TOPORS: variants seen among roughly 807,000 people sequenced by gnomAD.
TOPORS encodes TOP1 binding arginine/serine rich protein, E3 ubiquitin ligase.
Under a neutral mutation model 81.4 loss-of-function variants are expected in TOPORS, and 25 were observed. The observed-to-expected ratio is 0.31, with a 90% CI of 0.22 to 0.43. The LOEUF is 0.43. Among genes scored for constraint, TOPORS ranks in the 20% least tolerant of loss-of-function variants. TOPORS has a pLI of 1.00. For missense variants in TOPORS, 1,101 were observed against 1,267.0 expected (o/e 0.87, Z 1.99); for synonymous variants, 473 against 456.6 (o/e 1.04, Z -0.46).
In TOPORS at chr9:32,550,799, G is replaced by C. The variant is rs1190555726; in HGVS notation, c.173C>G (p.Ala58Gly). ...CTCGGAGGATGCCGGCGCAGGCCTG[G>C]CTGGGGCGCTCGCCGCGAGCTCCCG... ...GCRELAASAP[A>G]RPAPASSEIM... is the part of the protein sequence containing the mutation. The change falls in exon 2 of 3, where the codon GCC (alanine) becomes GGC (glycine). Residue 58 changes from alanine (A) to glycine (G), a missense_variant. Physicochemically the swap from Ala to Gly is moderately conservative, Grantham distance 60. Transcript: ENST00000360538. 7 of 1,612,674 alleles carry C rather than the reference G, an allele frequency of 4.3e-6. No individual in the cohort carries two copies. Among genetic ancestry groups the C allele is most frequent in the East Asian group, 2.2e-5 (1 of 44,870 alleles).
chr9:32,541,562 A>C lies in TOPORS; in HGVS notation c.2963T>G (p.Leu988Arg), dbSNP rs1488601114. ...ANKTVDNIPP[L>R]AASVEQTLDV... ...GAGAGTTTGTTCAACTGAAGCTGCCAGAGGTGGAATATTATCTACAGTTTT... is the reference window on the plus strand; with the variant it reads ...GAGAGTTTGTTCAACTGAAGCTGCCCGAGGTGGAATATTATCTACAGTTTT... The change falls in exon 3 of 3, where the codon CTG becomes CGG. Residue 988 changes from leucine to arginine, a missense_variant. By Grantham distance (102) the Leu-to-Arg change is moderately radical (BLOSUM62 -2). Around this residue, in one of 9 missense-constraint regions of TOPORS, gnomAD observed 605 missense variants for 636.1 expected, o/e 0.95. Coordinates refer to ENST00000360538, the MANE Select transcript of TOPORS (RefSeq NM_005802.5). 1 of 1,614,240 alleles carries C rather than the reference A, an allele frequency of 6.2e-7. No homozygotes were observed. The highest frequency in any genetic ancestry group is 8.5e-7 in the Non-Finnish European group (1 of 1,180,032).
intron 2 of TOPORS, among the ~76,000 whole-genome samples, chr9:32,547,165 GA>G (rs1821150943): frequency 6.6e-6 from 1 of 152,190 alleles, no homozygotes; most frequent in Non-Finnish European, 1.5e-5. Flanking sequence ...CCAGGAATTT[GA>G]AACAGCCTAG....
chr9:32,542,925 A>G lies in TOPORS; in HGVS notation c.1600T>C (p.Ser534Pro), dbSNP rs750775169. 2.5e-6 allele frequency: 4 copies of G among 1,614,012 alleles called. No homozygotes were observed. The Admixed American group carries it at 6.7e-5, about 27-fold the overall frequency. ...TCCTTTCCAAGGACAGAGTGTGGAG[A>G]TGAGCATCTACTAACATCGCTATCA... ...SGDSDVSRCS[S>P]PHSVLGKDEQ... The change falls in exon 3 of 3, where the codon TCT becomes CCT. Residue 534 changes from serine to proline, a missense_variant. By Grantham distance (74) the Ser-to-Pro change is moderately conservative. Around this residue, in one of 9 missense-constraint regions of TOPORS, gnomAD observed 605 missense variants for 636.1 expected, o/e 0.95. Transcript: ENST00000360538.
In TOPORS at chr9:32,542,927, G is replaced by C; in HGVS notation, c.1598C>G (p.Ser533Ter). The change falls in exon 3 of 3, where the codon TCA becomes TGA. Residue 533 changes from serine (S) to a stop codon, truncating the protein, a stop_gained. Transcript: ENST00000360538. LOFTEE classifies it high-confidence loss of function. ...SSGDSDVSRC[S>*]SPHSVLGKDE... ...CTTTCCAAGGACAGAGTGTGGAGATGAGCATCTACTAACATCGCTATCACC... is the reference window on the plus strand; with the variant it reads ...CTTTCCAAGGACAGAGTGTGGAGATCAGCATCTACTAACATCGCTATCACC... The C allele has an allele frequency of 6.2e-7, 1 of 1,614,116 alleles. No individual in the cohort carries two copies. The highest frequency in any genetic ancestry group is 8.5e-7 in the Non-Finnish European group (1 of 1,179,998).
chr9:32,551,019 A>T, intron 1 of TOPORS, 51 bp from the exon 2 acceptor site: 1 of 1,588,910 alleles, frequency 6.3e-7, no homozygotes, highest in East Asian at 2.2e-5. Flanking sequence ...CAGGGCAGAG[A>T]GCGAGACCCA....
At chr9:32,552,401 G>C in intron 1 of TOPORS, 33 bp downstream of exon 1, 1 of 1,605,904 alleles carries the variant, frequency 6.2e-7, no homozygotes, top group Non-Finnish European at 8.5e-7. Context: ...CGCAGCTCCC[G>C]CCAGCTCCCG....
Position 32,541,107 on chromosome 9 carries a change from T to A in TOPORS, c.*280A>T, listed in dbSNP as rs1821049525. 3.7e-6 allele frequency: 1 copy of A among 268,902 alleles called. No individual in the cohort carries two copies. The highest frequency in any genetic ancestry group is 5.7e-5 in the South Asian group (1 of 17,432). The allele number at this position is 268,902 out of a possible 1,614,324, so 16.7% of individuals were successfully genotyped here. On this transcript the variant is annotated 3_prime_UTR_variant, in exon 3 of 3. Transcript: ENST00000360538. The stretch of plus-strand genomic sequence containing the variant: ...TGGCTTTATGAAATAACTTCTAAAA[T>A]TTATATAATTTTTCTTATTTAAAAA...
rs1328043146 is a variant in TOPORS at position 32,551,216 on chromosome 9, A to G, written c.4-248T>C. On this transcript the variant is annotated intron_variant, in intron 1 of 2. Coordinates refer to ENST00000360538, the MANE Select transcript of TOPORS (RefSeq NM_005802.5). ...TGTTACTGGTACTCAGCCACTGGGG[A>G]CACTGACTGAATGTTCGCCCCTAAC... The G allele has an allele frequency of 1.2e-5, 7 of 598,692 alleles. No homozygotes were observed. In the Admixed American group the frequency reaches 1.5e-4, roughly 12 times the overall value. The allele number at this position is 598,692 out of a possible 1,614,324, so 37.1% of individuals were successfully genotyped here. A position where few individuals can be genotyped will look rare whatever the true frequency, so the allele number is the denominator to read the frequency against.
chr9:32,549,047 T>C (rs1401887365), intron 2 of TOPORS, among the ~76,000 whole-genome samples: 2 of 151,946 alleles, frequency 1.3e-5, no homozygotes, highest in Non-Finnish European at 2.9e-5. Context: ...TGGTGGCTCA[T>C]GCCTGTAATC....
chr9:32,551,162 G>T, intron 1 of TOPORS, 194 bp from the exon 2 acceptor site: 1 of 676,020 alleles, frequency 1.5e-6, no homozygotes, highest in South Asian at 1.7e-5. Flanking sequence ...TCCAGACCCC[G>T]GAGGAGGGCA....
At position 32,550,795 on chromosome 9, in the gene TOPORS, C is replaced by A; in HGVS notation, c.177G>T (p.Arg59Ser). 6.2e-7 allele frequency: 1 copy of A among 1,612,844 alleles called. No homozygotes were observed. Among genetic ancestry groups the A allele is most frequent in the Non-Finnish European group, 8.5e-7 (1 of 1,179,688 alleles). The change falls in exon 2 of 3, where the codon AGG becomes AGT. Residue 59 changes from arginine (R) to serine (S), a missense_variant. Arg to Ser is a moderately radical substitution (Grantham distance 110, BLOSUM62 -1). Around this residue, in one of 9 missense-constraint regions of TOPORS, gnomAD observed 131 missense variants for 101.0 expected, o/e 1.30. Coordinates refer to ENST00000360538, the MANE Select transcript of TOPORS (RefSeq NM_005802.5). ...CRELAASAPA[R>S]PAPASSEIMA... ...TCACCTCGGAGGATGCCGGCGCAGG[C>A]CTGGCTGGGGCGCTCGCCGCGAGCT...
rs761851969 is a variant in TOPORS at position 32,541,728 on chromosome 9, C to T, written c.2797G>A (p.Asp933Asn). Residue 933 changes from aspartate to asparagine, a missense_variant, in exon 3 of 3, where the codon GAC becomes AAC. Around this residue, in one of 9 missense-constraint regions of TOPORS, gnomAD observed 605 missense variants for 636.1 expected, o/e 0.95. Coordinates refer to ENST00000360538, the MANE Select transcript of TOPORS (RefSeq NM_005802.5). ...GCCAAAAACTCATTTTGTAGAGGGT[C>T]TTGAGGACCACTATTGTCACATTCT... ...DTECDNSGPQ[D>N]PLQNEFLAPS... The T allele has an allele frequency of 6.2e-7, 1 of 1,614,166 alleles. No individual in the cohort carries two copies. Among genetic ancestry groups the T allele is most frequent in the South Asian group, 1.1e-5 (1 of 91,084 alleles).
chr9:32,549,328 A>G (rs1436462359), intron 2 of TOPORS, among the ~76,000 whole-genome samples: 1 of 151,958 alleles, frequency 6.6e-6, no homozygotes, highest in African/African-American at 2.4e-5. Context: ...ATCAATAAAA[A>G]TCAAAAGTCA....
rs111359713 is a variant in TOPORS at position 32,542,501 on chromosome 9, C to G, written c.2024G>C (p.Ser675Thr). ...ESTSRSRSRSSDHGKRRSRSR... is the reference protein window; with the variant it reads ...ESTSRSRSRSTDHGKRRSRSR... The stretch of plus-strand genomic sequence containing the variant: ...CCGTGATCTTCTTTTACCATGATCA[C>G]TGCTACGAGACCTTGATCTGCTTGT... The change falls in exon 3 of 3, where the codon AGT (serine) becomes ACT (threonine). Residue 675 changes from serine to threonine, a missense_variant. Around this residue, in one of 9 missense-constraint regions of TOPORS, gnomAD observed 605 missense variants for 636.1 expected, o/e 0.95. Transcript: ENST00000360538. 6.2e-7 allele frequency: 1 copy of G among 1,614,008 alleles called. No individual in the cohort carries two copies.
rs1821157209 is a variant in TOPORS, at chr9:32,547,619, T to C, written c.198+3155A>G. On this transcript the variant is annotated intron_variant, in intron 2 of 2. Transcript: ENST00000360538. ...AATTCACAAGAACCCACATATTGTA[T>C]GATACCTTTTATATGAAATGTCCAG... Among the ~76,000 whole-genome samples the C allele has an allele frequency of 3.9e-5, 6 of 152,324 alleles. No individual in the cohort carries two copies. The South Asian group carries it at 1.2e-3, about 32-fold the overall frequency.
intron 2 of TOPORS, among the ~76,000 whole-genome samples, chr9:32,548,533 A>AC: frequency 6.6e-6 from 1 of 152,090 alleles, no homozygotes; most frequent in Non-Finnish European, 1.5e-5. Flanking sequence ...CCTCACACAC[A>AC]AACACACACA....
rs759726096 is a variant in TOPORS, at chr9:32,540,748, A to G, written c.*639T>C. 6.6e-6 allele frequency: 1 copy of G among 152,630 alleles called. No homozygotes were observed. The highest frequency in any genetic ancestry group is 1.5e-5 in the Non-Finnish European group (1 of 68,042). 9.5% of individuals were successfully genotyped at this position (152,630 alleles called of 1,614,324 possible). ...TTACTAAAATAAACTTTAAAAAAAA[A>G]TACTGCATAGGAAAATGTCTGATTC... On this transcript the variant is annotated 3_prime_UTR_variant, in exon 3 of 3. Transcript: ENST00000360538.
At position 32,550,848 on chromosome 9, in the gene TOPORS, G is replaced by A. The variant is rs756891203; in HGVS notation, c.124C>T (p.His42Tyr). ...RRVRLRGSCR[H>Y]RPSFLGCREL... is the part of the protein sequence containing the mutation. ...CGGCAGCCCAGAAAGCTAGGTCGGT[G>A]TCGGCAGGATCCGCGAAGGCGTACC... Residue 42 changes from histidine (H) to tyrosine (Y), a missense_variant, in exon 2 of 3, where the codon CAC becomes TAC. His to Tyr is a moderately conservative substitution (Grantham distance 83, BLOSUM62 2). Around this residue, in one of 9 missense-constraint regions of TOPORS, gnomAD observed 131 missense variants for 101.0 expected, o/e 1.30. Coordinates refer to ENST00000360538, the MANE Select transcript of TOPORS (RefSeq NM_005802.5). 5.6e-6 allele frequency: 9 copies of A among 1,612,918 alleles called. No homozygotes were observed. The Admixed American group carries it at 8.3e-5, about 15-fold the overall frequency.
At position 32,544,178 on chromosome 9, in the gene TOPORS, A is replaced by C. The variant is rs1297369034; in HGVS notation, c.347T>G (p.Leu116Ter). Residue 116 changes from leucine (L) to a stop codon, truncating the protein, a stop_gained, in exon 3 of 3, where the codon TTA becomes TGA. Transcript: ENST00000360538. LOFTEE classifies it high-confidence loss of function. The stretch of plus-strand genomic sequence containing the variant: ...ACAGAACTTATGTAAGCAGCGATCT[A>C]AGTAAGACACATTATCAAATCTATC... ...CLDRFDNVSY[L>*]DRCLHKFCFR... 1 of 1,613,640 alleles carries C rather than the reference A, an allele frequency of 6.2e-7. No homozygotes were observed. The highest frequency in any genetic ancestry group is 1.1e-5 in the South Asian group (1 of 91,088).
Sources: gnomAD v4.1 joint callset for allele counts (sites outside exome capture counted in the v4.1 genomes callset) on GRCh38, gnomAD v4.1.1 for gene constraint, gnomAD v4.1.1 regional missense constraint, MANE v1.5 for transcripts, NCBI Gene and HGNC (gene_info 2026-07-23, HGNC 2026-07-21) for gene names.